SLC7A2: variants seen among roughly 807,000 people sequenced by gnomAD.
SLC7A2 encodes the protein cationic amino acid transporter 2.
Under a neutral mutation model 58.9 loss-of-function variants are expected in SLC7A2, and 48 were observed. The ratio of observed to expected loss-of-function variants is 0.82; its 90% CI spans 0.65 to 1.04. SLC7A2 has a LOEUF of 1.04. Among genes scored for constraint, SLC7A2 ranks in the 50% least tolerant of loss-of-function variants. The pLI, the probability that SLC7A2 is intolerant of heterozygous loss-of-function variation, is 0.00. For missense variants in SLC7A2, 1,029 were observed against 818.8 expected, an observed-to-expected ratio of 1.26 and a Z score of -3.13; for synonymous variants, 363 against 314.5, an observed-to-expected ratio of 1.15 and a Z score of -1.63.
chr8:17,531,968 C>CTA (rs1390715889), intron 2 of SLC7A2, among the ~76,000 whole-genome samples: 1 of 151,956 alleles, frequency 6.6e-6, no homozygotes, highest in Non-Finnish European at 1.5e-5. Flanking sequence ...TGGCTCATGC[C>CTA]TATAATCCTA....
chr8:17,531,701 A>G (rs1484835373), intron 2 of SLC7A2, among the ~76,000 whole-genome samples: 1 of 152,144 alleles, frequency 6.6e-6, no homozygotes, highest in Non-Finnish European at 1.5e-5. Context: ...TTAAGACTTT[A>G]TAGACTAATA....
chr8:17,553,021 A>G (rs889592867), intron 7 of SLC7A2, among the ~76,000 whole-genome samples: 1 of 152,244 alleles, frequency 6.6e-6, no homozygotes, highest in East Asian at 1.9e-4. Flanking sequence ...TAGCAATTAG[A>G]CACTCTTGGT....
chr8:17,530,647 A>T (rs1387257914), intron 2 of SLC7A2, among the ~76,000 whole-genome samples: 1 of 150,476 alleles, frequency 6.6e-6, no homozygotes, highest in African/African-American at 2.5e-5. Context: ...ATCTCGACTC[A>T]CTGCAACTTC....
chr8:17,546,246 A>T (rs1802167909), intron 4 of SLC7A2, among the ~76,000 whole-genome samples: 1 of 152,236 alleles, frequency 6.6e-6, no homozygotes, highest in African/African-American at 2.4e-5. Context: ...ATTAGAACAT[A>T]GTTTAATTCC....
At chr8:17,526,541 A>G (rs1467141302) in intron 2 of SLC7A2, among the ~76,000 whole-genome samples, 4 of 152,164 alleles carry the variant, frequency 2.6e-5, no homozygotes, top group Admixed American at 2.0e-4. Context: ...ACATCTCATG[A>G]TGTTGGAGGA....
At position 17,558,414 on chromosome 8, in the gene SLC7A2, T is replaced by C; in HGVS notation, c.1298+17T>C. The C allele has an allele frequency of 6.6e-7, 1 of 1,521,296 alleles. No homozygotes were observed. The highest frequency in any genetic ancestry group is 9.1e-7 in the Non-Finnish European group (1 of 1,096,696). The allele number at this position is 1,521,296 out of a possible 1,614,324, so 94.2% of individuals were successfully genotyped here. A position where few individuals can be genotyped will look rare whatever the true frequency, so the allele number is the denominator to read the frequency against. ...CATCCTCAGGTGAGTCACCTGGTGG[T>C]TCTACAGGGTGTACCATGCACGAGG... is the stretch of plus-strand genomic sequence containing the variant. On this transcript the variant is annotated intron_variant, in intron 9 of 12. Coordinates refer to ENST00000494857, the MANE Select transcript of SLC7A2 (RefSeq NM_001370338.1).
chr8:17,553,198 C>T (rs939266488), intron 7 of SLC7A2, among the ~76,000 whole-genome samples: 13 of 151,994 alleles, frequency 8.6e-5, no homozygotes, highest in African/African-American at 2.9e-4. Context: ...GATACAGGCA[C>T]GTAACACCAT....
rs1018580776 is a variant in SLC7A2, at chr8:17,567,596, C to T, written c.*2450C>T. Reference sequence around the variant, plus strand: ...TATATCTGTGTGTGTGTATCTCTAACGTCAGTGTATAAGTAAGTTGGGTTT... The same window carrying T: ...TATATCTGTGTGTGTGTATCTCTAATGTCAGTGTATAAGTAAGTTGGGTTT... On this transcript the variant is annotated 3_prime_UTR_variant, in exon 13 of 13. Coordinates refer to ENST00000494857, the MANE Select transcript of SLC7A2 (RefSeq NM_001370338.1). 3 of 152,360 alleles carry T rather than the reference C, an allele frequency of 2.0e-5. No individual in the cohort carries two copies. The highest frequency in any genetic ancestry group is 2.1e-4 in the South Asian group (1 of 4,816). The allele number at this position is 152,360 out of a possible 1,614,324, so 9.4% of individuals were successfully genotyped here. A position where few individuals can be genotyped will look rare whatever the true frequency, so the allele number is the denominator to read the frequency against.
At chr8:17,516,067 T>C (rs1472226708) in intron 2 of SLC7A2, among the ~76,000 whole-genome samples, 1 of 152,188 alleles carries the variant, frequency 6.6e-6, no homozygotes, top group Non-Finnish European at 1.5e-5. Flanking sequence ...ATCATCTCTT[T>C]TCTATGTCTT....
chr8:17,516,213 TTTAA>T (rs1284248894), intron 2 of SLC7A2, among the ~76,000 whole-genome samples: 4 of 133,936 alleles, frequency 3.0e-5, no homozygotes, highest in African/African-American at 1.1e-4. Context: ...ATTTTATTTA[TTTAA>T]TTAATTAATT....
Position 17,543,767 on chromosome 8 carries a change from C to T in SLC7A2, c.376+52C>T, listed in dbSNP as rs539040156. On this transcript the variant is annotated intron_variant, in intron 3 of 12. Coordinates refer to ENST00000494857, the MANE Select transcript of SLC7A2 (RefSeq NM_001370338.1). Reference sequence around the variant, plus strand: ...GTGTGGAATGGAAGAAATCGCAGCCCTGAGTCACAGCCCTTAGGTTCAGTT... The same window carrying T: ...GTGTGGAATGGAAGAAATCGCAGCCTTGAGTCACAGCCCTTAGGTTCAGTT... 2.0e-6 allele frequency: 3 copies of T among 1,480,762 alleles called. No homozygotes were observed. In the African/African-American group the frequency reaches 4.2e-5, roughly 21 times the overall value. The allele number at this position is 1,480,762 out of a possible 1,614,324, so 91.7% of individuals were successfully genotyped here.
upstream of SLC7A2, among the ~76,000 whole-genome samples, chr8:17,496,925 G>T (rs1463422221): frequency 6.6e-6 from 1 of 151,604 alleles, no homozygotes; most frequent in Non-Finnish European, 1.5e-5. Flanking sequence ...GCTGAGCAGC[G>T]GCCGCACACC....
At chr8:17,514,337 AC>A (rs36044908) in intron 2 of SLC7A2, among the ~76,000 whole-genome samples, 76,406 of 151,928 alleles carry the variant, frequency 0.5, 21,011 homozygotes, top group Non-Finnish European at 0.62. Context: ...TTTATAGAGA[AC>A]CCTGCAGAGT....
At chr8:17,530,278 C>CCTT (rs1206635024) in intron 2 of SLC7A2, among the ~76,000 whole-genome samples, 1 of 152,140 alleles carries the variant, frequency 6.6e-6, no homozygotes, top group Non-Finnish European at 1.5e-5. Context: ...TGTGTCCCTG[C>CCTT]AGTAGCTCGG....
chr8:17,524,883 A>C (rs1170534628), intron 2 of SLC7A2, among the ~76,000 whole-genome samples: 2 of 152,090 alleles, frequency 1.3e-5, no homozygotes, highest in Non-Finnish European at 1.5e-5. Flanking sequence ...ATACTTGATG[A>C]ATTTCCCTGT....
intron 2 of SLC7A2, among the ~76,000 whole-genome samples, chr8:17,506,119 T>G (rs967616009): frequency 1.3e-5 from 2 of 152,176 alleles, no homozygotes; most frequent in Non-Finnish European, 2.9e-5. Context: ...AGTGGTTGTG[T>G]AGGTGGAGTA....
chr8:17,521,949 C>G (rs1801030798), intron 2 of SLC7A2, among the ~76,000 whole-genome samples: 1 of 152,192 alleles, frequency 6.6e-6, no homozygotes, highest in Non-Finnish European at 1.5e-5. Flanking sequence ...GTTCTTTTAA[C>G]AGAGGCTACA....
chr8:17,563,643 T>C lies in SLC7A2; in HGVS notation c.1712T>C (p.Val571Ala), dbSNP rs1312859028. The C allele has an allele frequency of 1.2e-5, 20 of 1,613,662 alleles. No individual in the cohort carries two copies. Among genetic ancestry groups the C allele is most frequent in the Non-Finnish European group, 1.6e-5 (19 of 1,179,760 alleles). Residue 571 changes from valine (V) to alanine (A), a missense_variant, in exon 12 of 13, where the codon GTG becomes GCG. Coordinates refer to ENST00000494857, the MANE Select transcript of SLC7A2 (RefSeq NM_001370338.1). The part of the protein sequence containing the change: ...LPFLPAFSIL[V>A]NIYLMVQLSA... ...TTTTTGCCAGCGTTCAGCATCTTGG[T>C]GAACATTTACTTGATGGTCCAGTTA...
intron 1 of SLC7A2, among the ~76,000 whole-genome samples, chr8:17,501,010 C>CT (rs375110186): frequency 1.4e-5 from 2 of 144,610 alleles, no homozygotes; most frequent in African/African-American, 2.5e-5. Flanking sequence ...TTCTTATCGA[C>CT]TTTTTTTTTT....
Sources: allele counts gnomAD v4.1 joint callset (sites outside exome capture counted in the v4.1 genomes callset), GRCh38; gene constraint gnomAD v4.1.1; transcripts MANE v1.5; gene names NCBI Gene and HGNC (gene_info 2026-07-23, HGNC 2026-07-21).